The following KIAA1328 variants were observed in gnomAD, a reference collection of about 807,000 sequenced individuals.
The protein encoded by KIAA1328 is KIAA1328.
A neutral mutation model predicts 68.1 loss-of-function variants in KIAA1328; 52 were observed. The ratio of observed to expected loss-of-function variants is 0.76; its 90% CI spans 0.61 to 0.96. The LOEUF (loss-of-function observed/expected upper bound fraction) is 0.96. Ranked by LOEUF, KIAA1328 falls within the 40% of genes least tolerant of loss-of-function variation. The pLI, the probability that KIAA1328 is intolerant of heterozygous loss-of-function variation, is 0.00. For synonymous variants in KIAA1328, 232 were observed against 239.4 expected (o/e 0.97, Z 0.28); for missense variants, 641 against 677.6 (o/e 0.95, Z 0.60).
intron 4 of KIAA1328, among the ~76,000 whole-genome samples, chr18:36,877,792 G>A (rs759023652): frequency 2.7e-5 from 4 of 148,518 alleles, no homozygotes; most frequent in East Asian, 2.1e-4. Context: ...TCAGCCTCCC[G>A]AGTAGCTGGG....
intron 7 of KIAA1328, among the ~76,000 whole-genome samples, chr18:37,076,693 C>A (rs889713068): frequency 6.6e-6 from 1 of 150,762 alleles, no homozygotes; most frequent in African/African-American, 2.4e-5. Flanking sequence ...CCCTCAGAGA[C>A]TACTACAAAC....
chr18:37,038,970 T>C (rs999742589), intron 6 of KIAA1328, among the ~76,000 whole-genome samples: 1 of 152,192 alleles, frequency 6.6e-6, no homozygotes, highest in Non-Finnish European at 1.5e-5. Context: ...GGAGATGATC[T>C]TTTGGTTTTG....
At chr18:37,057,142 A>C (rs1162511416) in intron 6 of KIAA1328, among the ~76,000 whole-genome samples, 1 of 152,196 alleles carries the variant, frequency 6.6e-6, no homozygotes, top group Non-Finnish European at 1.5e-5. Context: ...TATGTAGTAC[A>C]TTTCAAGTCA....
At chr18:36,991,688 C>T (rs115751092) in intron 6 of KIAA1328, among the ~76,000 whole-genome samples, 388 of 152,292 alleles carry the variant, frequency 2.5e-3, no homozygotes, top group African/African-American at 8.5e-3. Flanking sequence ...TGCCTGTGGT[C>T]ATACTTATGT....
At chr18:36,909,175 C>T (rs530111475) in intron 5 of KIAA1328, among the ~76,000 whole-genome samples, 2 of 152,110 alleles carry the variant, frequency 1.3e-5, no homozygotes, top group East Asian at 1.9e-4. Flanking sequence ...GGTATATGTG[C>T]ACAATGTGCA....
At position 36,829,323 on chromosome 18, in the gene KIAA1328, C is replaced by T. The variant is rs1220105229; in HGVS notation, c.58+127C>T. The stretch of plus-strand genomic sequence containing the variant: ...TAACCCCGGGGATGGGGACGTGCTG[C>T]TCGGCCCCAGTCTAGGTGCTGGGCT... On this transcript the variant is annotated intron_variant, in intron 1 of 9. Coordinates refer to ENST00000280020, the MANE Select transcript of KIAA1328 (RefSeq NM_020776.3). 4 of 1,402,026 alleles carry T rather than the reference C, an allele frequency of 2.9e-6. No individual in the cohort carries two copies. The African/African-American group carries it at 6.1e-5, about 21-fold the overall frequency. The allele number at this position is 1,402,026 out of a possible 1,614,324, so 86.8% of individuals were successfully genotyped here. A position where few individuals can be genotyped will look rare whatever the true frequency, so the allele number is the denominator to read the frequency against.
intron 7 of KIAA1328, among the ~76,000 whole-genome samples, chr18:37,102,982 G>T (rs2057666840): frequency 6.6e-6 from 1 of 152,038 alleles, no homozygotes; most frequent in Non-Finnish European, 1.5e-5. Flanking sequence ...TTTAACCAAG[G>T]AGTTTCAAGA....
chr18:36,895,020 T>C (rs1278430934), intron 5 of KIAA1328, among the ~76,000 whole-genome samples: 1 of 152,202 alleles, frequency 6.6e-6, no homozygotes, highest in Non-Finnish European at 1.5e-5. Context: ...TCCTACTTAT[T>C]ACATCTAATT....
At chr18:37,186,999 C>A (rs766294828) in intron 9 of KIAA1328, among the ~76,000 whole-genome samples, 2 of 152,080 alleles carry the variant, frequency 1.3e-5, no homozygotes, top group Admixed American at 6.6e-5. Flanking sequence ...CATGGCAAAA[C>A]CCCATCTCTA....
intron 1 of KIAA1328, 121 bp downstream of exon 1, chr18:36,829,317 G>C: frequency 7.1e-7 from 1 of 1,404,190 alleles, no homozygotes; most frequent in Non-Finnish European, 9.2e-7. Context: ...GGATGGGGAC[G>C]TGCTGCTCGG....
chr18:37,113,952 G>A (rs2058023740), intron 7 of KIAA1328, among the ~76,000 whole-genome samples: 1 of 152,142 alleles, frequency 6.6e-6, no homozygotes. Flanking sequence ...TCACCAAGAA[G>A]AGCCAACCAT....
chr18:37,097,504 G>T (rs548192481), intron 7 of KIAA1328, among the ~76,000 whole-genome samples: 2 of 152,206 alleles, frequency 1.3e-5, no homozygotes, highest in African/African-American at 2.4e-5. Context: ...AAGTCAGGCA[G>T]CACGATGCCT....
Position 37,168,963 on chromosome 18 carries a change from G to A in KIAA1328, c.1415-4010G>A, listed in dbSNP as rs576009016. On this transcript the variant is annotated intron_variant, in intron 8 of 9. Transcript: ENST00000280020. ...TGAACTCTAAGAAAAAAAAATTGCC[G>A]TGAAATATACCCAGTTATATCTAAA... is the stretch of plus-strand genomic sequence containing the variant. 2.8e-4 allele frequency among the ~76,000 whole-genome samples: 43 copies of A among 151,964 alleles called. 2 individuals are homozygous for A. In the South Asian group the frequency reaches 8.1e-3, roughly 29 times the overall value.
intron 5 of KIAA1328, among the ~76,000 whole-genome samples, chr18:36,939,349 A>G (rs1347604583): frequency 1.3e-5 from 2 of 151,782 alleles, no homozygotes; most frequent in African/African-American, 4.8e-5. Flanking sequence ...TTTATTTTTT[A>G]TGCTATTGTG....
chr18:37,165,421 A>G (rs1184005675), intron 8 of KIAA1328, among the ~76,000 whole-genome samples: 4 of 150,778 alleles, frequency 2.7e-5, no homozygotes, highest in Non-Finnish European at 5.9e-5. Context: ...TTATTTATTT[A>G]TTTACTTATT....
intron 6 of KIAA1328, among the ~76,000 whole-genome samples, chr18:37,022,661 T>C (rs1172750156): frequency 6.6e-6 from 1 of 152,236 alleles, no homozygotes. Context: ...CATTGTATTT[T>C]ACATGGCTGT....
At chr18:37,096,192 A>G (rs2057400843) in intron 7 of KIAA1328, among the ~76,000 whole-genome samples, 1 of 152,188 alleles carries the variant, frequency 6.6e-6, no homozygotes, top group East Asian at 1.9e-4. Flanking sequence ...TCGTCACTTA[A>G]CATTAGGTAT....
intron 6 of KIAA1328, among the ~76,000 whole-genome samples, chr18:37,017,466 T>C (rs938735789): frequency 6.6e-5 from 10 of 152,076 alleles, no homozygotes; most frequent in Admixed American, 3.9e-4. Flanking sequence ...CTCTATAGAT[T>C]TTTATTACAT....
chr18:37,017,337 C>T (rs988619480), intron 6 of KIAA1328, among the ~76,000 whole-genome samples: 5 of 151,914 alleles, frequency 3.3e-5, no homozygotes, highest in African/African-American at 1.2e-4. Context: ...ATGGTTGATA[C>T]GATTTCAATT....
Sources: allele counts gnomAD v4.1 joint callset (sites outside exome capture counted in the v4.1 genomes callset), GRCh38; gene constraint gnomAD v4.1.1; transcripts MANE v1.5; gene names NCBI Gene and HGNC (gene_info 2026-07-23, HGNC 2026-07-21).